Variants in ZSWIM4 observed in about 807,000 individuals in gnomAD.
The protein encoded by ZSWIM4 is zinc finger SWIM domain-containing protein 4.
Under a neutral mutation model 102.5 loss-of-function variants are expected in ZSWIM4, and 62 were observed. That is an observed-to-expected ratio of 0.60 (90% CI 0.49 to 0.75). The LOEUF (loss-of-function observed/expected upper bound fraction) is 0.75, where lower values mean the gene tolerates loss of function less well. Ranked by LOEUF, ZSWIM4 falls within the 30% of genes least tolerant of loss-of-function variation. The pLI, the probability that ZSWIM4 is intolerant of heterozygous loss-of-function variation, is 0.00. For synonymous variants in ZSWIM4, 652 were observed against 674.5 expected (o/e 0.97, Z 0.52); for missense variants, 1,280 against 1,529.6 (o/e 0.84, Z 2.72).
rs1360456732 is a variant in ZSWIM4, at chr19:13,828,709, G to A, written c.2444G>A (p.Ser815Asn). The A allele has an allele frequency of 1.2e-6, 2 of 1,614,078 alleles. No individual in the cohort carries two copies. Among genetic ancestry groups the A allele is most frequent in the African/African-American group, 1.3e-5 (1 of 74,932 alleles). ...RRREMVRWLVSCATEIGPQAL... is the reference protein window; with the variant it reads ...RRREMVRWLVNCATEIGPQAL... ...AGGGAGATGGTGCGCTGGCTGGTCA[G>A]CTGTGCCACAGAGATTGGTGAGAGC... The change falls in exon 13 of 14, where the codon AGC (serine) becomes AAC (asparagine). Residue 815 changes from serine to asparagine, a missense_variant. Coordinates refer to ENST00000590508, the MANE Select transcript of ZSWIM4 (RefSeq NM_001367834.3).
At chr19:13,817,647 T>G in intron 8 of ZSWIM4, 75 bp from the exon 9 acceptor site, 1 of 1,549,380 alleles carries the variant, frequency 6.5e-7, no homozygotes, top group Non-Finnish European at 8.8e-7. Flanking sequence ...CAGGTCTCCA[T>G]GCTTGAGGCC....
At chr19:13,803,532 A>T (rs1348832034) in intron 2 of ZSWIM4, among the ~76,000 whole-genome samples, 1 of 151,890 alleles carries the variant, frequency 6.6e-6, no homozygotes. Context: ...CTATAATCCC[A>T]GCACTTTGGG....
intron 1 of ZSWIM4, 89 bp from the exon 2 acceptor site, chr19:13,799,631 T>C (rs970569612): frequency 4.5e-6 from 6 of 1,333,928 alleles, no homozygotes; most frequent in Non-Finnish European, 6.5e-6. Flanking sequence ...TCTCGAACTC[T>C]TGGCCTCAAG....
intron 6 of ZSWIM4, among the ~76,000 whole-genome samples, chr19:13,813,376 G>T (rs1260440630): frequency 5.3e-5 from 8 of 152,208 alleles, no homozygotes; most frequent in Non-Finnish European, 1.2e-4. Context: ...GCCCAAGTGG[G>T]CAAGTGAAGT....
chr19:13,797,713 C>T (rs1378015899), intron 1 of ZSWIM4, among the ~76,000 whole-genome samples: 4 of 152,160 alleles, frequency 2.6e-5, no homozygotes, highest in Non-Finnish European at 5.9e-5. Context: ...AGTGCAGTGG[C>T]ACGATCTCGG....
chr19:13,817,434 GGT>G, intron 8 of ZSWIM4, 81 bp downstream of exon 8: 1 of 1,540,756 alleles, frequency 6.5e-7, no homozygotes, highest in South Asian at 1.2e-5. Context: ...ACCCCTATAA[GGT>G]AACTCCCAGA....
chr19:13,823,358 G>A lies in ZSWIM4; in HGVS notation c.2073G>A (p.Leu691=), dbSNP rs756052302. 1.2e-6 allele frequency: 2 copies of A among 1,613,936 alleles called. No homozygotes were observed. The highest frequency in any genetic ancestry group is 1.1e-5 in the South Asian group (1 of 91,058). Residue 691 remains leucine, a synonymous_variant, in exon 11 of 14, where the codon CTG becomes CTA. Transcript: ENST00000590508. ...TCCCCTTACCCAGGCTGCCCATACT[G>A]GAGACAGCATTTCCTGCTGGAGAAC... ...LALRAMRLPI[L]ETAFPAGEPH... is the part of the protein sequence containing the mutation.
At position 13,795,654 on chromosome 19, in the gene ZSWIM4, AC is replaced by A. The variant is rs2080769467; in HGVS notation, c.12del (p.Ala5ArgfsTer39). 4.1e-6 allele frequency: 3 copies of A among 734,566 alleles called. No individual in the cohort carries two copies. Among genetic ancestry groups the A allele is most frequent in the East Asian group, 4.5e-5 (1 of 22,052 alleles). 45.5% of individuals were successfully genotyped at this position (734,566 alleles called of 1,614,324 possible). A position where few individuals can be genotyped will look rare whatever the true frequency, so the allele number is the denominator to read the frequency against. ...CCTGGCCCCGGCCGGGCCGGATGGAACCCCCCGCGGCCAAGCGGAGCCGGGG... is the reference window on the plus strand; with the variant it reads ...CCTGGCCCCGGCCGGGCCGGATGGAACCCCCGCGGCCAAGCGGAGCCGGGG... ME[P>X]PAAKRSRGCP... On this transcript the variant is annotated frameshift_variant, in exon 1 of 14. Transcript: ENST00000590508. LOFTEE classifies it high-confidence loss of function.
chr19:13,814,401 CCATAG>C (rs1187882751), intron 6 of ZSWIM4, 109 bp from the exon 7 acceptor site: 1 of 392,050 alleles, frequency 2.6e-6, no homozygotes, highest in African/African-American at 2.2e-5. Context: ...TGATGTATGC[CCATAG>C]CTTTGCCCAG....
intron 3 of ZSWIM4, among the ~76,000 whole-genome samples, chr19:13,807,754 C>CATGGATGGATGGATGGATGG (rs368459784): frequency 7.2e-6 from 1 of 139,220 alleles, no homozygotes; most frequent in African/African-American, 2.6e-5. Flanking sequence ...TGGATGGATG[C>CATGGATGGATGGATGGATGG]ATGGATGGAT....
At position 13,817,956 on chromosome 19, in the gene ZSWIM4, A is replaced by T; in HGVS notation, c.1904A>T (p.Gln635Leu). 1 of 1,521,578 alleles carries T rather than the reference A, an allele frequency of 6.6e-7. No individual in the cohort carries two copies. The allele number at this position is 1,521,578 out of a possible 1,614,324, so 94.3% of individuals were successfully genotyped here. A position where few individuals can be genotyped will look rare whatever the true frequency, so the allele number is the denominator to read the frequency against. Residue 635 changes from glutamine (Q) to leucine (L), a missense_variant, in exon 9 of 14, where the codon CAG becomes CTG. By Grantham distance (113) the Gln-to-Leu change is moderately radical. Transcript: ENST00000590508. ...CGGTTGGTGCAGGTGCTGCGCAAGC[A>T]GGCGGGGCTGCTGCTGGAAGGTGAG... ...DERLVQVLRK[Q>L]AGLLLEGGPF... is the part of the protein sequence containing the mutation.
rs963682665 is a variant in ZSWIM4 at position 13,830,843 on chromosome 19, C to T, written c.3114C>T (p.Thr1038=). ...PLCQLLDAAV[T]AYITTSHSRL... ...GCCAGCTCCTGGACGCGGCAGTCAC[C>T]GCCTACATCACCACCAGCCACTCGC... The change falls in exon 14 of 14, where the codon ACC becomes ACT. Residue 1038 remains threonine (T), a synonymous_variant. Coordinates refer to ENST00000590508, the MANE Select transcript of ZSWIM4 (RefSeq NM_001367834.3). The T allele has an allele frequency of 5.6e-6, 9 of 1,611,928 alleles. No individual in the cohort carries two copies. Among genetic ancestry groups the T allele is most frequent in the Non-Finnish European group, 6.8e-6 (8 of 1,178,842 alleles).
chr19:13,805,499 G>A (rs1027941081), intron 3 of ZSWIM4, among the ~76,000 whole-genome samples: 5 of 151,920 alleles, frequency 3.3e-5, no homozygotes, highest in African/African-American at 1.2e-4. Context: ...AAGGGAATGT[G>A]GGACGTTTGT....
Position 13,831,088 on chromosome 19 carries a change from C to G in ZSWIM4, c.*38C>G, listed in dbSNP as rs771067856. 2 of 1,519,876 alleles carry G rather than the reference C, an allele frequency of 1.3e-6. No homozygotes were observed. The highest frequency in any genetic ancestry group is 4.2e-5 in the Admixed American group (2 of 47,948). 94.1% of individuals were successfully genotyped at this position (1,519,876 alleles called of 1,614,324 possible). A position where few individuals can be genotyped will look rare whatever the true frequency, so the allele number is the denominator to read the frequency against. On this transcript the variant is annotated 3_prime_UTR_variant, in exon 14 of 14. Transcript: ENST00000590508. ...TGCGTGGGAGTGGGGATCCCCCTCG[C>G]CCCTGCGTCCCCCACCCTTGCTCTC...
In ZSWIM4 at chr19:13,816,198, C is replaced by T. The variant is rs971864622; in HGVS notation, c.1532-1018C>T. ...ATGGATCAGCTATCAGGAAATTGAA[C>T]GAAGAAAAGTGTGTCGTGGAGGAAA... On this transcript the variant is annotated intron_variant, in intron 7 of 13. Coordinates refer to ENST00000590508, the MANE Select transcript of ZSWIM4 (RefSeq NM_001367834.3). Among the ~76,000 whole-genome samples the T allele has an allele frequency of 3.3e-5, 5 of 152,054 alleles. 1 individual carries two copies. In the South Asian group the frequency reaches 6.2e-4, roughly 19 times the overall value.
At chr19:13,811,880 G>A (rs1975104197) in intron 5 of ZSWIM4, among the ~76,000 whole-genome samples, 1 of 152,022 alleles carries the variant, frequency 6.6e-6, no homozygotes, top group East Asian at 1.9e-4. Context: ...ATCGAGACCA[G>A]CTTGGCCAAC....
rs541355894 is a variant in ZSWIM4 at position 13,831,282 on chromosome 19, G to A, written c.*232G>A. On this transcript the variant is annotated 3_prime_UTR_variant, in exon 14 of 14. Transcript: ENST00000590508. Reference sequence around the variant, plus strand: ...ACTGCCACCCAGAAGCCTGGAAGGGGTGTGTGCTTGGGCTGCTGGTATGAC... The same window carrying A: ...ACTGCCACCCAGAAGCCTGGAAGGGATGTGTGCTTGGGCTGCTGGTATGAC... 32 of 561,796 alleles carry A rather than the reference G, an allele frequency of 5.7e-5. No individual in the cohort carries two copies. In the South Asian group the frequency reaches 8.4e-4, roughly 15 times the overall value. 34.8% of individuals were successfully genotyped at this position (561,796 alleles called of 1,614,324 possible).
intron 7 of ZSWIM4, among the ~76,000 whole-genome samples, chr19:13,816,605 G>A (rs1975294759): frequency 6.6e-6 from 1 of 152,044 alleles, no homozygotes; most frequent in Non-Finnish European, 1.5e-5. Context: ...ACTCTAGTCT[G>A]GGCAACAAGA....
chr19:13,813,237 G>A, intron 6 of ZSWIM4, 73 bp downstream of exon 6: 1 of 1,279,630 alleles, frequency 7.8e-7, no homozygotes, highest in South Asian at 1.4e-5. Context: ...TACCATCATG[G>A]TCCTCTTCCC....
Sources: allele counts gnomAD v4.1 joint callset (sites outside exome capture counted in the v4.1 genomes callset), GRCh38; gene constraint gnomAD v4.1.1; transcripts MANE v1.5; gene names NCBI Gene and HGNC (gene_info 2026-07-23, HGNC 2026-07-21).